The following DALRD3 variants were observed in gnomAD, a reference collection of about 807,000 sequenced individuals.
The protein encoded by DALRD3 is DALR anticodon-binding domain-containing protein 3.
Under a neutral mutation model 56.7 loss-of-function variants are expected in DALRD3, and 47 were observed. The observed-to-expected ratio is 0.83, with a 90% confidence interval of 0.66 to 1.06. The LOEUF (loss-of-function observed/expected upper bound fraction) is 1.06, where lower values mean the gene tolerates loss of function less well. Ranked by LOEUF, DALRD3 falls within the 50% of genes least tolerant of loss-of-function variation. The pLI is 0.00. For missense variants in DALRD3, 787 were observed against 724.0 expected (o/e 1.09, Z -1.00); for synonymous variants, 347 against 308.5 (o/e 1.12, Z -1.31).
At chr3:49,017,929 C>A in intron 2 of DALRD3, 60 bp from the exon 3 acceptor site, 2 of 1,540,988 alleles carry the variant, frequency 1.3e-6, no homozygotes, top group East Asian at 2.4e-5. Flanking sequence ...CACGACTTCC[C>A]ACCTCCAGCC....
chr3:49,020,440 C>A, upstream of DALRD3: 1 of 381,806 alleles, frequency 2.6e-6, no homozygotes, highest in Non-Finnish European at 5.4e-6. Context: ...GGTCCTGGGT[C>A]CACCCTCCCT....
rs780831065 is a variant in DALRD3, at chr3:49,017,270, G to A, written c.885C>T (p.Asp295=). ...TGTCAACCAACTTCTGCCAAAGCAG[G>A]TCCAACTTCTGTTGCTGGAACTCCT... is the stretch of plus-strand genomic sequence containing the variant. ...CEEEFQQQKL[D]LLWQKLVDKA... The change falls in exon 5 of 12, where the codon GAC becomes GAT. Residue 295 remains aspartate, a synonymous_variant. Coordinates refer to ENST00000341949, the MANE Select transcript of DALRD3 (RefSeq NM_001009996.3). The A allele has an allele frequency of 4.3e-6, 7 of 1,614,156 alleles. No homozygotes were observed. The highest frequency in any genetic ancestry group is 5.9e-6 in the Non-Finnish European group (7 of 1,180,018).
intron 5 of DALRD3, 181 bp from the exon 6 acceptor site, chr3:49,017,028 T>G: frequency 1.0e-6 from 1 of 952,434 alleles, no homozygotes; most frequent in Non-Finnish European, 1.6e-6. Flanking sequence ...CAACCTGGTC[T>G]TCAGTGTTCT....
At chr3:49,016,396 C>A in intron 8 of DALRD3, 33 bp downstream of exon 8, 1 of 1,607,772 alleles carries the variant, frequency 6.2e-7, no homozygotes. Flanking sequence ...ACCCTGTGCC[C>A]CAACACTGGC....
In DALRD3 at chr3:49,015,568, G is replaced by C; in HGVS notation, c.*20C>G. Reference sequence around the variant, plus strand: ...TTGATGACTTTGTGAACATTCCCAGGTATTGGAGCCTCTGTGGCCTTAAAT... The same window carrying C: ...TTGATGACTTTGTGAACATTCCCAGCTATTGGAGCCTCTGTGGCCTTAAAT... On this transcript the variant is annotated 3_prime_UTR_variant, in exon 12 of 12. Coordinates refer to ENST00000341949, the MANE Select transcript of DALRD3 (RefSeq NM_001009996.3). 6.2e-7 allele frequency: 1 copy of C among 1,613,204 alleles called. No individual in the cohort carries two copies. Among genetic ancestry groups the C allele is most frequent in the South Asian group, 1.1e-5 (1 of 90,894 alleles).
upstream of DALRD3, among the ~76,000 whole-genome samples, chr3:49,019,918 C>T: frequency 6.6e-6 from 1 of 152,256 alleles, no homozygotes; most frequent in East Asian, 1.9e-4. Context: ...GTTGGAGTAT[C>T]TTGCTCCTCT....
chr3:49,018,440 G>C lies in DALRD3; in HGVS notation c.125C>G (p.Ala42Gly). ...TRHLRSRDFL[A>G]PHRALQARFD... ...GCGCGCCTGCAGCGCGCGGTGCGGT[G>C]CCAGAAAGTCTCGGGAACGCAGGTG... Residue 42 changes from alanine to glycine, a missense_variant, in exon 1 of 12, where the codon GCA becomes GGA. Coordinates refer to ENST00000341949, the MANE Select transcript of DALRD3 (RefSeq NM_001009996.3). The C allele has an allele frequency of 1.3e-6, 2 of 1,587,250 alleles. No homozygotes were observed. Among genetic ancestry groups the C allele is most frequent in the Admixed American group, 1.8e-5 (1 of 56,836 alleles).
Position 49,018,499 on chromosome 3 carries a change from G to C in DALRD3, c.66C>G (p.Gly22=). The C allele has an allele frequency of 2.5e-6, 4 of 1,585,906 alleles. No individual in the cohort carries two copies. The highest frequency in any genetic ancestry group is 3.4e-6 in the Non-Finnish European group (4 of 1,166,000). The change falls in exon 1 of 12, where the codon GGC becomes GGG. Residue 22 remains glycine (G), a synonymous_variant. Transcript: ENST00000341949. ...GCGTCTCCTTGATCCACACCGGACC[G>C]CCTGGCCCCAGGGCCGCGTTGAGGG... ...LGALNAALGP[G]GPVWIKETRT...
chr3:49,016,787 G>A lies in DALRD3; in HGVS notation c.988C>T (p.Pro330Ser). 1 of 1,614,144 alleles carries A rather than the reference G, an allele frequency of 6.2e-7. No homozygotes were observed. Among genetic ancestry groups the A allele is most frequent in the Admixed American group, 1.7e-5 (1 of 60,020 alleles). The change falls in exon 6 of 12, where the codon CCT becomes TCT. Residue 330 changes from proline to serine, a missense_variant. Coordinates refer to ENST00000341949, the MANE Select transcript of DALRD3 (RefSeq NM_001009996.3). ...AGAPGTLMTA[P>S]EYYEFRHTQV... is the part of the protein sequence containing the mutation. ...AGCCTCACTCACTCGTAGTACTCAG[G>A]GGCAGTCATCAGAGTGCCAGGTGCA...
At position 49,018,425 on chromosome 3, in the gene DALRD3, A is replaced by G; in HGVS notation, c.140T>C (p.Leu47Pro). 6 of 1,580,680 alleles carry G rather than the reference A, an allele frequency of 3.8e-6. No individual in the cohort carries two copies. Among genetic ancestry groups the G allele is most frequent in the Middle Eastern group, 1.7e-4 (1 of 5,992 alleles). Reference sequence around the variant, plus strand: ...CTGGCCGTCATCGAAGCGCGCCTGCAGCGCGCGGTGCGGTGCCAGAAAGTC... The same window carrying G: ...CTGGCCGTCATCGAAGCGCGCCTGCGGCGCGCGGTGCGGTGCCAGAAAGTC... ...SRDFLAPHRALQARFDDGQVP... is the reference protein window; with the variant it reads ...SRDFLAPHRAPQARFDDGQVP... Residue 47 changes from leucine to proline, a missense_variant, in exon 1 of 12, where the codon CTG becomes CCG. Coordinates refer to ENST00000341949, the MANE Select transcript of DALRD3 (RefSeq NM_001009996.3).
rs756405689 is a variant in DALRD3 at position 49,015,769 on chromosome 3, T to G, written c.1512+35A>C. ...TTCCTTTGCCTTTACCCTATACCTC[T>G]CTGCACGTCCCACCCCATTTTGCTG... On this transcript the variant is annotated intron_variant, in intron 11 of 11. Coordinates refer to ENST00000341949, the MANE Select transcript of DALRD3 (RefSeq NM_001009996.3). 3.1e-6 allele frequency: 5 copies of G among 1,614,100 alleles called. No individual in the cohort carries two copies. In the South Asian group the frequency reaches 5.5e-5, roughly 18 times the overall value.
At position 49,016,235 on chromosome 3, in the gene DALRD3, T is replaced by G. The variant is rs1473794169; in HGVS notation, c.1252A>C (p.Lys418Gln). 4 of 1,613,976 alleles carry G rather than the reference T, an allele frequency of 2.5e-6. No homozygotes were observed. In the African/African-American group the frequency reaches 5.3e-5, roughly 22 times the overall value. The change falls in exon 9 of 12, where the codon AAG becomes CAG. Residue 418 changes from lysine to glutamine, a missense_variant. By Grantham distance (53) the Lys-to-Gln change is moderately conservative. Transcript: ENST00000341949. ...TACAGACCTTGTTCCATACTACACT[T>G]GTAACTCTCAAAGAGTGTGGCAAGA... ...ARLATLFESYKCSMEQGLYPT... is the reference protein window; with the variant it reads ...ARLATLFESYQCSMEQGLYPT...
At position 49,017,603 on chromosome 3, in the gene DALRD3, C is replaced by T. The variant is rs2093103812; in HGVS notation, c.718+10G>A. 2 of 1,613,996 alleles carry T rather than the reference C, an allele frequency of 1.2e-6. No individual in the cohort carries two copies. Among genetic ancestry groups the T allele is most frequent in the African/African-American group, 1.3e-5 (1 of 74,948 alleles). On this transcript the variant is annotated intron_variant, in intron 3 of 11. Coordinates refer to ENST00000341949, the MANE Select transcript of DALRD3 (RefSeq NM_001009996.3). The stretch of plus-strand genomic sequence containing the variant: ...TGCCTTTTCTGGCCCTGCTAGGCTT[C>T]AGGTCCTACCCAGACAGTTGTCCAG...
chr3:49,018,709 A>T, upstream of DALRD3: 1 of 1,398,252 alleles, frequency 7.2e-7, no homozygotes, highest in Non-Finnish European at 9.2e-7. Flanking sequence ...GCTGCTTTCG[A>T]CCTACCGCCC....
rs774208023 is a variant in DALRD3, at chr3:49,017,365, G to C, written c.799-9C>G. The C allele has an allele frequency of 6.2e-7, 1 of 1,614,226 alleles. No individual in the cohort carries two copies. Among genetic ancestry groups the C allele is most frequent in the South Asian group, 1.1e-5 (1 of 91,090 alleles). On this transcript the variant is annotated splice_polypyrimidine_tract_variant and intron_variant, in intron 4 of 11. Coordinates refer to ENST00000341949, the MANE Select transcript of DALRD3 (RefSeq NM_001009996.3). The stretch of plus-strand genomic sequence containing the variant: ...GTATCTGAGGCCCCAGCCTAAGGGA[G>C]GACAATCATAACTGTGGAAGTACAG...
At position 49,016,167 on chromosome 3, in the gene DALRD3, TAG is replaced by T. The variant is rs747297603; in HGVS notation, c.1318_1319del (p.Leu440ThrfsTer2). The T allele has an allele frequency of 6.2e-7, 1 of 1,614,046 alleles. No individual in the cohort carries two copies. Among genetic ancestry groups the T allele is most frequent in the Non-Finnish European group, 8.5e-7 (1 of 1,179,920 alleles). ...CAGGAGGGACACTCACCTCATCATG[TAG>T]CAGTGAGAAGTCCAGACTGCTCACA... ...PPVSSLDFSL[L>X]HDEGEWLLLF... On this transcript the variant is annotated frameshift_variant, in exon 9 of 12. Transcript: ENST00000341949. LOFTEE classifies it high-confidence loss of function.
At chr3:49,020,344 T>C (rs2093142647), upstream of DALRD3, 1 of 451,990 alleles carries the variant, frequency 2.2e-6, no homozygotes, top group South Asian at 1.6e-5. Context: ...GGGTGGTTTT[T>C]CCCCAGGAAG....
rs1477745267 is a variant in DALRD3 at position 49,018,384 on chromosome 3, C to T, written c.165+16G>A. The T allele has an allele frequency of 3.2e-6, 5 of 1,549,330 alleles. No homozygotes were observed. The highest frequency in any genetic ancestry group is 4.3e-6 in the Non-Finnish European group (5 of 1,149,934). ...CCCATCTCCCGGCCGCACGGCCCCG[C>T]CCGGCTCACGCCCACCTGGCCGTCA... On this transcript the variant is annotated intron_variant, in intron 1 of 11. Coordinates refer to ENST00000341949, the MANE Select transcript of DALRD3 (RefSeq NM_001009996.3).
rs139247938 is a variant in DALRD3, at chr3:49,016,031, C to T, written c.1385G>A (p.Arg462Gln). 8.1e-4 allele frequency: 1,301 copies of T among 1,602,376 alleles called. 9 individuals carry two copies. Among genetic ancestry groups the T allele is most frequent in the Non-Finnish European group, 2.5e-4 (289 of 1,171,960 alleles). Reference protein sequence around the residue: ...SILPFPDLLSRTAVLDCTAPG... With the variant: ...SILPFPDLLSQTAVLDCTAPG... ...GGCTGTGCAGTCCAGCACTGCTGTC[C>T]GGCTCAGCAGATCCGGAAAGGGGAG... The change falls in exon 10 of 12, where the codon CGG (arginine) becomes CAG (glutamine). Residue 462 changes from arginine to glutamine, a missense_variant. Arg to Gln is a conservative substitution (Grantham distance 43). Coordinates refer to ENST00000341949, the MANE Select transcript of DALRD3 (RefSeq NM_001009996.3).
Sources: allele counts gnomAD v4.1 joint callset (sites outside exome capture counted in the v4.1 genomes callset), GRCh38; gene constraint gnomAD v4.1.1; transcripts MANE v1.5; gene names NCBI Gene and HGNC (gene_info 2026-07-23, HGNC 2026-07-21).